The following SMYD3 variants were observed in gnomAD, a reference collection of about 807,000 sequenced individuals.
The protein encoded by SMYD3 is SET and MYND domain containing 3, also known as histone-lysine N-methyltransferase SMYD3.
A neutral mutation model predicts 57.7 loss-of-function variants in SMYD3; 36 were observed. The ratio of observed to expected loss-of-function variants is 0.62; its 90% CI spans 0.48 to 0.82. The LOEUF (loss-of-function observed/expected upper bound fraction) is 0.82. SMYD3 is among the 40% of genes least tolerant of loss of function. The pLI is 0.00. For missense variants in SMYD3, 515 were observed against 538.8 expected (o/e 0.96, Z 0.44); for synonymous variants, 211 against 195.0 (o/e 1.08, Z -0.68).
intron 1 of SMYD3, among the ~76,000 whole-genome samples, chr1:246,470,789 G>A (rs933814777): frequency 2.6e-5 from 4 of 151,804 alleles, no homozygotes; most frequent in East Asian, 3.9e-4. Context: ...TTGCAACATC[G>A]ACAAAATTGG....
chr1:246,468,279 C>CA (rs749863714), intron 1 of SMYD3, among the ~76,000 whole-genome samples: 51 of 151,450 alleles, frequency 3.4e-4, no homozygotes, highest in Middle Eastern at 3.4e-3. Flanking sequence ...GAATGAAAAA[C>CA]AAAAAATATA....
intron 10 of SMYD3, among the ~76,000 whole-genome samples, chr1:245,792,553 C>T (rs1421144180): frequency 6.6e-6 from 1 of 152,048 alleles, no homozygotes; most frequent in Non-Finnish European, 1.5e-5. Context: ...TTTTTTATTC[C>T]ACAACTTCTC....
chr1:246,348,064 A>ATT (rs2065753738), intron 2 of SMYD3, among the ~76,000 whole-genome samples: 1 of 84,380 alleles, frequency 1.2e-5, no homozygotes, highest in Non-Finnish European at 2.4e-5. Flanking sequence ...AAAACGTTAT[A>ATT]TATATATATA....
intron 5 of SMYD3, among the ~76,000 whole-genome samples, chr1:246,004,305 C>A (rs1204381162): frequency 6.6e-6 from 1 of 152,168 alleles, no homozygotes; most frequent in Non-Finnish European, 1.5e-5. Flanking sequence ...GAAAAGCCTT[C>A]CAAGATTCTG....
chr1:246,190,955 C>A (rs1380497912), intron 5 of SMYD3, among the ~76,000 whole-genome samples: 2 of 152,222 alleles, frequency 1.3e-5, no homozygotes, highest in Non-Finnish European at 2.9e-5. Flanking sequence ...GCAAAGCTTA[C>A]CATGCAATAT....
chr1:245,786,513 C>T (rs886327310), intron 10 of SMYD3, among the ~76,000 whole-genome samples: 3 of 152,094 alleles, frequency 2.0e-5, no homozygotes, highest in Non-Finnish European at 4.4e-5. Context: ...GAACCCAGCT[C>T]TCTCCAGCCA....
chr1:245,938,809 TC>T (rs1223652980), intron 5 of SMYD3, among the ~76,000 whole-genome samples: 3 of 152,156 alleles, frequency 2.0e-5, no homozygotes, highest in African/African-American at 7.2e-5. Context: ...CTGACCAGAT[TC>T]CTGAGTTGGT....
chr1:246,363,347 G>T (rs2066038060), intron 1 of SMYD3, among the ~76,000 whole-genome samples: 1 of 151,654 alleles, frequency 6.6e-6, no homozygotes, highest in South Asian at 2.1e-4. Context: ...GAGGTGAGGG[G>T]CGCCTCTGCC....
At chr1:246,419,032 T>G (rs1270447221) in intron 1 of SMYD3, among the ~76,000 whole-genome samples, 1 of 152,170 alleles carries the variant, frequency 6.6e-6, no homozygotes, top group Non-Finnish European at 1.5e-5. Flanking sequence ...TCCCCGCCCT[T>G]GCGATAATGG....
intron 1 of SMYD3, among the ~76,000 whole-genome samples, chr1:246,462,407 C>T (rs1006355590): frequency 8.5e-5 from 13 of 152,166 alleles, no homozygotes; most frequent in African/African-American, 3.1e-4. Flanking sequence ...ATCCTTGGAC[C>T]TGCCTCTCCC....
At chr1:246,394,163 A>G (rs1026314319) in intron 1 of SMYD3, among the ~76,000 whole-genome samples, 3 of 152,258 alleles carry the variant, frequency 2.0e-5, no homozygotes, top group Admixed American at 6.5e-5. Flanking sequence ...ACTCTTATCA[A>G]TAAGTACCTA....
At chr1:246,326,485 T>A (rs2065352336) in intron 5 of SMYD3, 1 of 595,690 alleles carries the variant, frequency 1.7e-6, no homozygotes, top group South Asian at 2.0e-5. Flanking sequence ...AAAAAAATAC[T>A]TCAGGAGGCC....
In SMYD3 at chr1:245,912,386, T is replaced by C. The variant is rs1181221294; in HGVS notation, c.813+3144A>G. ...AGAACACAAATGGAAAGGCATACCATGCTCATTAATTGGAAGAATTAATAT... is the reference window on the plus strand; with the variant it reads ...AGAACACAAATGGAAAGGCATACCACGCTCATTAATTGGAAGAATTAATAT... On this transcript the variant is annotated intron_variant, in intron 8 of 11. Coordinates refer to ENST00000490107, the MANE Select transcript of SMYD3 (RefSeq NM_001167740.2). 2.6e-5 allele frequency among the ~76,000 whole-genome samples: 4 copies of C among 152,142 alleles called. No individual in the cohort carries two copies. In the East Asian group the frequency reaches 7.7e-4, roughly 29 times the overall value.
rs147775483 is a variant in SMYD3 at position 245,971,856 on chromosome 1, T to C, written c.532-41919A>G. On this transcript the variant is annotated intron_variant, in intron 5 of 11. Transcript: ENST00000490107. ...GAGGCTAACAAATCCTGCCTTACAG[T>C]TGAGGAATCTCAGATTTAGGAAGAT... 1.1e-4 allele frequency among the ~76,000 whole-genome samples: 17 copies of C among 152,312 alleles called. No individual in the cohort carries two copies. In the East Asian group the frequency reaches 2.9e-3, roughly 26 times the overall value.
chr1:246,310,661 C>CTTTTTT (rs386370347), intron 5 of SMYD3, among the ~76,000 whole-genome samples: 1 of 72,204 alleles, frequency 1.4e-5, no homozygotes, highest in Non-Finnish European at 2.4e-5. Flanking sequence ...AAGAGTAAGG[C>CTTTTTT]TTTTTTTTTT....
intron 5 of SMYD3, among the ~76,000 whole-genome samples, chr1:246,257,040 A>G (rs1475929054): frequency 6.6e-6 from 1 of 152,172 alleles, no homozygotes. Context: ...GCTATGATTT[A>G]GATTTTTTCA....
intron 1 of SMYD3, among the ~76,000 whole-genome samples, chr1:246,372,088 C>CT (rs879496971): frequency 2.0e-5 from 3 of 152,142 alleles, no homozygotes; most frequent in Non-Finnish European, 4.4e-5. Context: ...GTAAAGAAAC[C>CT]TTCAAAGAAG....
chr1:246,096,952 T>C (rs1388751171), intron 5 of SMYD3, among the ~76,000 whole-genome samples: 1 of 152,240 alleles, frequency 6.6e-6, no homozygotes, highest in Non-Finnish European at 1.5e-5. Context: ...TTGTAGGTGC[T>C]CATTCCATTT....
At chr1:245,894,164 C>G (rs9728401) in intron 8 of SMYD3, among the ~76,000 whole-genome samples, 151,865 of 152,250 alleles carry the variant, frequency 1, 75,744 homozygotes, top group Middle Eastern at 1. Context: ...GCTAGCTAGA[C>G]GTTTGTAAAA....
Sources: gnomAD v4.1 joint callset for allele counts (sites outside exome capture counted in the v4.1 genomes callset) on GRCh38, gnomAD v4.1.1 for gene constraint, MANE v1.5 for transcripts, NCBI Gene and HGNC (gene_info 2026-07-23, HGNC 2026-07-21) for gene names.